Variants in NCKAP5 observed in about 807,000 individuals in gnomAD.
NCKAP5 encodes the protein nck-associated protein 5.
Under a neutral mutation model 167.0 loss-of-function variants are expected in NCKAP5, and 92 were observed. The observed-to-expected ratio is 0.55, with a 90% CI of 0.47 to 0.66. The LOEUF (loss-of-function observed/expected upper bound fraction) is 0.66. Ranked by LOEUF, NCKAP5 falls within the 30% of genes least tolerant of loss-of-function variation. NCKAP5 has a pLI of 0.00. For missense variants in NCKAP5, 2,378 were observed against 2,315.0 expected (o/e 1.03, Z -0.56); for synonymous variants, 891 against 877.4 (o/e 1.02, Z -0.27).
In NCKAP5 at chr2:132,907,758, C is replaced by T. The variant is rs181642060; in HGVS notation, c.580-28842G>A. Reference sequence around the variant, plus strand: ...CTGCAAGCTCAGTCTCCCGGGTTCACGCCATTCTCCTGCCTCAGCCTCCCG... The same window carrying T: ...CTGCAAGCTCAGTCTCCCGGGTTCATGCCATTCTCCTGCCTCAGCCTCCCG... On this transcript the variant is annotated intron_variant, in intron 8 of 19. Transcript: ENST00000409261. Among the ~76,000 whole-genome samples the T allele has an allele frequency of 3.2e-3, 481 of 152,086 alleles. 1 individual carries two copies. The highest frequency in any genetic ancestry group is 5.2e-3 in the Non-Finnish European group (353 of 67,998).
Position 132,731,845 on chromosome 2 carries a change from C to T in NCKAP5, c.5335G>A (p.Gly1779Ser), listed in dbSNP as rs777248110. The change falls in exon 17 of 20, where the codon GGC becomes AGC. Residue 1779 changes from glycine (G) to serine (S), a missense_variant. Gly to Ser is a moderately conservative substitution (Grantham distance 56). Coordinates refer to ENST00000409261, the MANE Select transcript of NCKAP5 (RefSeq NM_207363.3). Reference sequence around the variant, plus strand: ...ATGGCGCTATCTGCAGGGCGCTGGCCGTCTGTGGAGGAAGGCACTTCACGT... The same window carrying T: ...ATGGCGCTATCTGCAGGGCGCTGGCTGTCTGTGGAGGAAGGCACTTCACGT... ...LEREVPSSTD[G>S]QRPADSAIVH... 15 of 1,613,762 alleles carry T rather than the reference C, an allele frequency of 9.3e-6. No homozygotes were observed. The highest frequency in any genetic ancestry group is 4.5e-5 in the East Asian group (2 of 44,870).
rs1279568124 is a variant in NCKAP5, at chr2:132,909,473, AG to A, written c.580-30558del. Among the ~76,000 whole-genome samples, 5 of 152,210 alleles carry A rather than the reference AG, an allele frequency of 3.3e-5. No individual in the cohort carries two copies. The East Asian group carries it at 9.6e-4, about 29-fold the overall frequency. On this transcript the variant is annotated intron_variant, in intron 8 of 19. Coordinates refer to ENST00000409261, the MANE Select transcript of NCKAP5 (RefSeq NM_207363.3). ...GCAGCAATCTCAAATTTCTTATGCT[AG>A]GGTATTCAAATTTTCCCCTTTATCA...
chr2:132,868,830 T>A (rs889345062), intron 10 of NCKAP5, 106 bp downstream of exon 10: 1 of 711,816 alleles, frequency 1.4e-6, no homozygotes, highest in Non-Finnish European at 2.2e-6. Flanking sequence ...AGTGAATAAA[T>A]ACAGAAGTAT....
At chr2:132,964,186 T>C (rs1405099980) in intron 7 of NCKAP5, among the ~76,000 whole-genome samples, 2 of 152,202 alleles carry the variant, frequency 1.3e-5, no homozygotes, top group African/African-American at 4.8e-5. Context: ...AACTCAGCTA[T>C]ACTGCAAACT....
chr2:132,824,943 G>C (rs1687020670), intron 11 of NCKAP5, among the ~76,000 whole-genome samples: 1 of 152,152 alleles, frequency 6.6e-6, no homozygotes, highest in African/African-American at 2.4e-5. Context: ...ATGGTTGTTT[G>C]TTACCACAGC....
intron 3 of NCKAP5, among the ~76,000 whole-genome samples, chr2:133,493,271 A>G (rs1053193650): frequency 6.6e-6 from 1 of 152,216 alleles, no homozygotes; most frequent in East Asian, 1.9e-4. Context: ...GTTGACAGGC[A>G]TGCATGTCAA....
chr2:133,261,373 TAA>T (rs2088898491), intron 4 of NCKAP5, among the ~76,000 whole-genome samples: 3 of 152,218 alleles, frequency 2.0e-5, no homozygotes, highest in Non-Finnish European at 2.9e-5. Context: ...CTATAACACT[TAA>T]GTTTACCTTA....
At chr2:133,549,561 C>A (rs1687085836) in intron 2 of NCKAP5, among the ~76,000 whole-genome samples, 1 of 150,414 alleles carries the variant, frequency 6.6e-6, no homozygotes, top group Admixed American at 6.6e-5. Flanking sequence ...AACAAAGACA[C>A]AACATACCAG....
In NCKAP5 at chr2:133,055,480, A is replaced by ATATATAGTTTATATATATATGAATAGTT. The variant is rs1381446563; in HGVS notation, c.342-61242_342-61241insAACTATTCATATATATATAAACTATATA. 2.8e-3 allele frequency among the ~76,000 whole-genome samples: 413 copies of ATATATAGTTTATATATATATGAATAGTT among 149,818 alleles called. 3 individuals carry two copies. The highest frequency in any genetic ancestry group is 9.5e-3 in the African/African-American group (390 of 41,030). On this transcript the variant is annotated intron_variant, in intron 6 of 19. Transcript: ENST00000409261. The stretch of plus-strand genomic sequence containing the variant: ...ATCAGTTTAGATAAACTGTATATAT[A>ATATATAGTTTATATATATATGAATAGTT]TATATATATAGTTTATATATATATG...
intron 2 of NCKAP5, chr2:133,558,240 GTGGTCTTTTTCTC>G (rs1279818052): frequency 6.6e-6 from 1 of 152,170 alleles, no homozygotes; most frequent in Non-Finnish European, 1.5e-5. Flanking sequence ...TTATGGAGAG[GTGGTCTTTTTCTC>G]TGGTCTCTGG....
chr2:133,524,764 G>A (rs941518548), intron 2 of NCKAP5, among the ~76,000 whole-genome samples: 2 of 152,178 alleles, frequency 1.3e-5, no homozygotes, highest in Non-Finnish European at 2.9e-5. Context: ...CTTTCTGTAT[G>A]CTTTAAACAC....
At chr2:133,633,948 G>T in the NCKAP5 span, among the ~76,000 whole-genome samples, 1 of 152,152 alleles carries the variant, frequency 6.6e-6, no homozygotes, top group Non-Finnish European at 1.5e-5. Context: ...CTCAGAAGTG[G>T]GTTGCCTCAT....
intron 6 of NCKAP5, among the ~76,000 whole-genome samples, chr2:133,056,586 C>G (rs2079809167): frequency 6.6e-6 from 1 of 152,152 alleles, no homozygotes; most frequent in Admixed American, 6.5e-5. Flanking sequence ...AAGCTAGATG[C>G]AGGACTGTGC....
At chr2:133,096,923 T>G (rs2081361196) in intron 6 of NCKAP5, among the ~76,000 whole-genome samples, 1 of 152,240 alleles carries the variant, frequency 6.6e-6, no homozygotes. Context: ...TTAATAAACT[T>G]TTATCTTAAG....
At chr2:132,818,168 C>T (rs1686429998) in intron 11 of NCKAP5, among the ~76,000 whole-genome samples, 1 of 152,096 alleles carries the variant, frequency 6.6e-6, no homozygotes, top group African/African-American at 2.4e-5. Flanking sequence ...GGCTGGTTTC[C>T]AACTACTGGG....
the NCKAP5 span, among the ~76,000 whole-genome samples, chr2:133,610,700 A>T: frequency 3.7e-4 from 56 of 151,548 alleles, 1 homozygote; most frequent in South Asian, 9.8e-3. Context: ...ACACACACAC[A>T]CTCTCTCTCT....
chr2:133,247,529 T>A (rs1009242881), intron 4 of NCKAP5, among the ~76,000 whole-genome samples: 1 of 152,170 alleles, frequency 6.6e-6, no homozygotes, highest in Non-Finnish European at 1.5e-5. Context: ...AAAGGGAAAC[T>A]CACTAGAAAC....
At chr2:133,567,002 T>C (rs1049759292) in intron 1 of NCKAP5, among the ~76,000 whole-genome samples, 5 of 152,188 alleles carry the variant, frequency 3.3e-5, no homozygotes, top group Non-Finnish European at 7.3e-5. Flanking sequence ...ATTCTGAGAC[T>C]AGAGACAAGG....
chr2:133,140,543 T>C (rs2149835749), intron 5 of NCKAP5, among the ~76,000 whole-genome samples: 1 of 152,224 alleles, frequency 6.6e-6, no homozygotes, highest in South Asian at 2.1e-4. Flanking sequence ...AGTCTTGAAC[T>C]TCAGCTATAT....
Sources: gnomAD v4.1 joint callset for allele counts (sites outside exome capture counted in the v4.1 genomes callset) on GRCh38, gnomAD v4.1.1 for gene constraint, MANE v1.5 for transcripts, NCBI Gene and HGNC (gene_info 2026-07-23, HGNC 2026-07-21) for gene names.